The following ARL8B variants were observed in gnomAD, a reference collection of about 807,000 sequenced individuals.
The protein encoded by ARL8B is ADP-ribosylation factor-like protein 8B.
In ARL8B, 9 loss-of-function variants were observed where a neutral mutation model predicts 30.6. That is an observed-to-expected ratio of 0.29 (90% CI 0.18 to 0.51). The LOEUF (loss-of-function observed/expected upper bound fraction) is 0.51. Ranked by LOEUF, ARL8B falls within the 20% of genes least tolerant of loss-of-function variation. The pLI, the probability that ARL8B is intolerant of heterozygous loss-of-function variation, is 0.97. For missense variants in ARL8B, 130 were observed against 227.2 expected (o/e 0.57, Z 2.75); for synonymous variants, 74 against 76.0 (o/e 0.97, Z 0.14).
chr3:5,145,329 A>G (rs2054409662), intron 1 of ARL8B, among the ~76,000 whole-genome samples: 1 of 152,096 alleles, frequency 6.6e-6, no homozygotes, highest in South Asian at 2.1e-4. Context: ...GAATCTGAGA[A>G]TCCAGTAACC....
chr3:5,151,045 A>G (rs2054478995), intron 1 of ARL8B, among the ~76,000 whole-genome samples: 1 of 151,950 alleles, frequency 6.6e-6, no homozygotes. Flanking sequence ...GTCTGTAGTG[A>G]TGTCCTTACT....
At chr3:5,132,171 G>A (rs1031590673) in intron 1 of ARL8B, among the ~76,000 whole-genome samples, 1 of 152,168 alleles carries the variant, frequency 6.6e-6, no homozygotes, top group Admixed American at 6.5e-5. Context: ...ACAGGCATGA[G>A]CCTGTACTGT....
chr3:5,173,912 G>T, intron 4 of ARL8B, 105 bp from the exon 5 acceptor site: 1 of 854,478 alleles, frequency 1.2e-6, no homozygotes. Context: ...TAACATTGTG[G>T]AATGTGTTAA....
At chr3:5,175,346 C>T (rs367696591) in intron 6 of ARL8B, among the ~76,000 whole-genome samples, 1 of 152,068 alleles carries the variant, frequency 6.6e-6, no homozygotes, top group Non-Finnish European at 1.5e-5. Context: ...GCAATAAAGT[C>T]GTGAGGTTAA....
At chr3:5,140,742 C>T (rs3821790) in intron 1 of ARL8B, among the ~76,000 whole-genome samples, 11,523 of 152,104 alleles carry the variant, frequency 0.076, 476 homozygotes, top group East Asian at 0.12. Context: ...AAATTCTAGG[C>T]TATAATAATT....
At chr3:5,154,318 T>A (rs895672908) in intron 1 of ARL8B, among the ~76,000 whole-genome samples, 8 of 152,010 alleles carry the variant, frequency 5.3e-5, no homozygotes, top group East Asian at 1.9e-4. Context: ...TAAAAAAAAA[T>A]TTTATTGTGG....
intron 1 of ARL8B, among the ~76,000 whole-genome samples, chr3:5,132,243 C>T (rs1465812077): frequency 1.3e-5 from 2 of 151,884 alleles, no homozygotes; most frequent in African/African-American, 2.4e-5. Flanking sequence ...GATCATATTC[C>T]CTATGATCAT....
chr3:5,160,708 G>T (rs2054573271), intron 1 of ARL8B, among the ~76,000 whole-genome samples: 1 of 152,274 alleles, frequency 6.6e-6, no homozygotes, highest in South Asian at 2.1e-4. Context: ...GATATGACCA[G>T]TTGATCCCCT....
chr3:5,132,277 C>A (rs1405460348), intron 1 of ARL8B, among the ~76,000 whole-genome samples: 2 of 151,398 alleles, frequency 1.3e-5, no homozygotes, highest in Non-Finnish European at 2.9e-5. Context: ...TTTTTTGAGG[C>A]AGAGTCTCAC....
chr3:5,178,243 T>G (rs1340088848), intron 6 of ARL8B, among the ~76,000 whole-genome samples: 1 of 152,236 alleles, frequency 6.6e-6, no homozygotes, highest in African/African-American at 2.4e-5. Context: ...TGCTGTTTTT[T>G]TTTTTTAACC....
rs1188325004 is a variant in ARL8B, at chr3:5,178,774, T to G, written c.*61T>G. 1.9e-6 allele frequency: 3 copies of G among 1,607,598 alleles called. No homozygotes were observed. Among genetic ancestry groups the G allele is most frequent in the Non-Finnish European group, 2.5e-6 (3 of 1,179,142 alleles). ...TAATCCTAGAATTATTGTCCGTTCCTCTGAAGTAATTCCCAGAATACGGTC... is the reference window on the plus strand; with the variant it reads ...TAATCCTAGAATTATTGTCCGTTCCGCTGAAGTAATTCCCAGAATACGGTC... On this transcript the variant is annotated 3_prime_UTR_variant, in exon 7 of 7. Coordinates refer to ENST00000256496, the MANE Select transcript of ARL8B (RefSeq NM_018184.3).
At chr3:5,172,881 C>T in intron 4 of ARL8B, 141 bp downstream of exon 4, 1 of 592,602 alleles carries the variant, frequency 1.7e-6, no homozygotes, top group East Asian at 3.1e-5. Flanking sequence ...TACCATGTAT[C>T]TGCCATATAC....
intron 1 of ARL8B, among the ~76,000 whole-genome samples, chr3:5,123,450 G>A (rs1422006048): frequency 6.6e-6 from 1 of 152,200 alleles, no homozygotes; most frequent in African/African-American, 2.4e-5. Flanking sequence ...AAAGGTGATT[G>A]TTTCGTTTTG....
chr3:5,149,680 C>T (rs1234316289), intron 1 of ARL8B, among the ~76,000 whole-genome samples: 1 of 152,212 alleles, frequency 6.6e-6, no homozygotes. Context: ...CTTTTATGGG[C>T]TGACCCCTCT....
chr3:5,156,138 A>G (rs1049123338), intron 1 of ARL8B, among the ~76,000 whole-genome samples: 1 of 152,052 alleles, frequency 6.6e-6, no homozygotes, highest in Non-Finnish European at 1.5e-5. Flanking sequence ...GCTGACCTCA[A>G]GTGATCTGCC....
chr3:5,167,631 C>G (rs2054635490), intron 1 of ARL8B, among the ~76,000 whole-genome samples: 1 of 152,156 alleles, frequency 6.6e-6, no homozygotes, highest in Admixed American at 6.6e-5. Flanking sequence ...CTTAAGCTGA[C>G]TTTGCCTTGT....
At chr3:5,155,131 G>A (rs770047767) in intron 1 of ARL8B, among the ~76,000 whole-genome samples, 16 of 152,070 alleles carry the variant, frequency 1.1e-4, no homozygotes, top group South Asian at 2.1e-4. Flanking sequence ...GTTTATCTGG[G>A]AATGTTTTAA....
Position 5,122,312 on chromosome 3 carries a change from TG to T in ARL8B, c.-151del. ...GAGTCATATGATCCGCTCGGCTTCCTGGGTCTGGCTGCTGCCGCCCGCCGGT... is the reference window on the plus strand; with the variant it reads ...GAGTCATATGATCCGCTCGGCTTCCTGGTCTGGCTGCTGCCGCCCGCCGGT... On this transcript the variant is annotated 5_prime_UTR_variant, in exon 1 of 7. Transcript: ENST00000256496. 6.6e-7 allele frequency: 1 copy of T among 1,516,326 alleles called. No individual in the cohort carries two copies. Among genetic ancestry groups the T allele is most frequent in the South Asian group, 1.2e-5 (1 of 82,402 alleles). The allele number at this position is 1,516,326 out of a possible 1,614,324, so 93.9% of individuals were successfully genotyped here.
At chr3:5,129,709 G>T (rs1486047602) in intron 1 of ARL8B, among the ~76,000 whole-genome samples, 1 of 152,014 alleles carries the variant, frequency 6.6e-6, no homozygotes, top group South Asian at 2.1e-4. Flanking sequence ...ACTACGCCTG[G>T]CTAATTTTTT....
Sources: gnomAD v4.1 joint callset for allele counts (sites outside exome capture counted in the v4.1 genomes callset) on GRCh38, gnomAD v4.1.1 for gene constraint, MANE v1.5 for transcripts, NCBI Gene and HGNC (gene_info 2026-07-23, HGNC 2026-07-21) for gene names.